The following PDE1C variants were observed in gnomAD, a reference collection of about 807,000 sequenced individuals.
PDE1C encodes dual specificity calcium/calmodulin-dependent 3',5'-cyclic nucleotide phosphodiesterase 1C.
Under a neutral mutation model 93.1 loss-of-function variants are expected in PDE1C, and 62 were observed. The observed-to-expected ratio is 0.67, with a 90% CI of 0.54 to 0.82. The LOEUF is 0.82. Ranked by LOEUF, PDE1C falls within the 40% of genes least tolerant of loss-of-function variation. The pLI, the probability that PDE1C is intolerant of heterozygous loss-of-function variation, is 0.00. For missense variants in PDE1C, 742 were observed against 884.6 expected, an observed-to-expected ratio of 0.84 and a Z score of 2.04; for synonymous variants, 325 against 310.1, an observed-to-expected ratio of 1.05 and a Z score of -0.50.
chr7:32,172,761 G>T (rs368932615), intron 2 of PDE1C, among the ~76,000 whole-genome samples: 8 of 149,794 alleles, frequency 5.3e-5, no homozygotes, highest in Admixed American at 2.0e-4. Flanking sequence ...TGCAGAGGTT[G>T]CAGTGAGCCG....
chr7:32,170,595 T>C (rs1802584014), intron 2 of PDE1C, among the ~76,000 whole-genome samples: 1 of 152,178 alleles, frequency 6.6e-6, no homozygotes, highest in African/African-American at 2.4e-5. Context: ...TGATATGATG[T>C]CATGAAAATG....
At chr7:31,628,909 G>A in the PDE1C span, among the ~76,000 whole-genome samples, 7 of 152,134 alleles carry the variant, frequency 4.6e-5, no homozygotes, top group Non-Finnish European at 8.8e-5. Context: ...CAAGGACAAT[G>A]TTTCCTCCCA....
At chr7:31,958,294 T>C (rs935195477) in intron 2 of PDE1C, among the ~76,000 whole-genome samples, 18 of 152,332 alleles carry the variant, frequency 1.2e-4, no homozygotes, top group African/African-American at 4.3e-4. Flanking sequence ...ATTACAATCA[T>C]ATTTAGACAT....
chr7:31,620,040 C>A, the PDE1C span, among the ~76,000 whole-genome samples: 6 of 152,150 alleles, frequency 3.9e-5, no homozygotes, highest in Admixed American at 3.9e-4. Context: ...TGCAAGGTGG[C>A]AGCGAGGCTG....
chr7:32,282,060 TG>T (rs1811668337), intron 1 of PDE1C, among the ~76,000 whole-genome samples: 1 of 148,226 alleles, frequency 6.7e-6, no homozygotes, highest in South Asian at 2.1e-4. Context: ...CTAATGTAAA[TG>T]GTGAGTTAAT....
At chr7:31,988,355 C>T (rs1338710169) in intron 2 of PDE1C, among the ~76,000 whole-genome samples, 1 of 152,194 alleles carries the variant, frequency 6.6e-6, no homozygotes, top group African/African-American at 2.4e-5. Flanking sequence ...GGTAATAATG[C>T]CAACATGTAT....
chr7:32,026,083 T>TAC (rs1237422014), intron 2 of PDE1C, among the ~76,000 whole-genome samples: 1 of 149,904 alleles, frequency 6.7e-6, no homozygotes, highest in Non-Finnish European at 1.5e-5. Context: ...CATACACACA[T>TAC]ACACACACAC....
At chr7:31,696,649 A>G in the PDE1C span, among the ~76,000 whole-genome samples, 1 of 152,180 alleles carries the variant, frequency 6.6e-6, no homozygotes, top group Non-Finnish European at 1.5e-5. Flanking sequence ...TGTGACACCT[A>G]TGAGCTGTAA....
chr7:32,087,772 G>C (rs1020153266), intron 3 of PDE1C, among the ~76,000 whole-genome samples: 19 of 150,368 alleles, frequency 1.3e-4, no homozygotes, highest in Non-Finnish European at 2.7e-4. Flanking sequence ...AACACCACAT[G>C]TTCTCACTCA....
At chr7:31,781,369 C>G (rs1469311321) in intron 16 of PDE1C, among the ~76,000 whole-genome samples, 1 of 152,174 alleles carries the variant, frequency 6.6e-6, no homozygotes, top group Non-Finnish European at 1.5e-5. Flanking sequence ...TCCCACAGGG[C>G]AGAGGAGGAT....
the PDE1C span, among the ~76,000 whole-genome samples, chr7:31,628,807 A>G: frequency 6.6e-6 from 1 of 152,164 alleles, no homozygotes; most frequent in Non-Finnish European, 1.5e-5. Flanking sequence ...TAACTACGAA[A>G]TGTGAGGAAA....
intron 3 of PDE1C, among the ~76,000 whole-genome samples, chr7:32,136,011 G>A (rs1198583173): frequency 1.3e-5 from 2 of 152,184 alleles, no homozygotes; most frequent in Non-Finnish European, 2.9e-5. Flanking sequence ...AGTGAAATAA[G>A]CCAGATGTAG....
the PDE1C span, among the ~76,000 whole-genome samples, chr7:31,718,477 A>C: frequency 1.3e-5 from 2 of 152,188 alleles, no homozygotes; most frequent in Non-Finnish European, 2.9e-5. Flanking sequence ...AGTTAAGCGA[A>C]AAACTAGGAA....
At chr7:32,397,805 G>C (rs1192689504) in intron 1 of PDE1C, among the ~76,000 whole-genome samples, 1 of 151,848 alleles carries the variant, frequency 6.6e-6, no homozygotes, top group African/African-American at 2.4e-5. Flanking sequence ...CATGAGGTCA[G>C]AGTTCGAGAC....
chr7:31,638,898 T>A, the PDE1C span, among the ~76,000 whole-genome samples: 1 of 152,140 alleles, frequency 6.6e-6, no homozygotes, highest in African/African-American at 2.4e-5. Flanking sequence ...TGCCTTAGCC[T>A]CCCAAGTAGC....
intron 7 of PDE1C, among the ~76,000 whole-genome samples, chr7:31,862,852 A>AT (rs954032723): frequency 6.6e-6 from 1 of 152,130 alleles, no homozygotes; most frequent in African/African-American, 2.4e-5. Context: ...ATATTTGCCT[A>AT]TTTTTTCACA....
chr7:32,147,272 AAAAG>A (rs3078683), intron 3 of PDE1C, among the ~76,000 whole-genome samples: 6,508 of 96,498 alleles, frequency 0.067, 354 homozygotes, highest in Non-Finnish European at 0.076. Flanking sequence ...AAGAAAGAAA[AAAAG>A]AAAGAAAGAA....
At chr7:31,962,717 T>G (rs573637843) in intron 2 of PDE1C, among the ~76,000 whole-genome samples, 1 of 152,268 alleles carries the variant, frequency 6.6e-6, no homozygotes, top group South Asian at 2.1e-4. Flanking sequence ...CAAAGTAGCA[T>G]GAAGGTATCA....
chr7:32,000,208 A>G (rs1785283742), intron 2 of PDE1C, among the ~76,000 whole-genome samples: 1 of 152,194 alleles, frequency 6.6e-6, no homozygotes, highest in Non-Finnish European at 1.5e-5. Flanking sequence ...TCTGTGCCTC[A>G]GATTTCCTCA....
Sources: gnomAD v4.1 joint callset for allele counts (sites outside exome capture counted in the v4.1 genomes callset) on GRCh38, gnomAD v4.1.1 for gene constraint, MANE v1.5 for transcripts, NCBI Gene and HGNC (gene_info 2026-07-23, HGNC 2026-07-21) for gene names.